Variants in AKAP19 observed in about 807,000 individuals in gnomAD.
AKAP19 encodes small A-kinase anchoring protein.
At chr2:189,972,343 C>G in the AKAP19 span, among the ~76,000 whole-genome samples, 4 of 152,214 alleles carry the variant, frequency 2.6e-5, no homozygotes, top group Non-Finnish European at 4.4e-5. Context: ...TGATCTATAT[C>G]TCTGTTTTGG....
chr2:189,956,797 G>C, the AKAP19 span, among the ~76,000 whole-genome samples: 4 of 151,812 alleles, frequency 2.6e-5, no homozygotes, highest in Non-Finnish European at 5.9e-5. Flanking sequence ...GGTCCAGGCT[G>C]GTGGCAAACT....
At chr2:190,201,623 A>G in the AKAP19 span, 1 of 167,076 alleles carries the variant, frequency 6.0e-6, no homozygotes, top group African/African-American at 2.4e-5. Context: ...AATAGAGTGA[A>G]TTCTCCAAGT....
chr2:190,045,639 C>A, the AKAP19 span, among the ~76,000 whole-genome samples: 2 of 152,184 alleles, frequency 1.3e-5, no homozygotes, highest in African/African-American at 4.8e-5. Flanking sequence ...ACTCCAAGAG[C>A]GCCTTCTAAG....
the AKAP19 span, among the ~76,000 whole-genome samples, chr2:190,066,431 G>A: frequency 6.6e-6 from 1 of 152,244 alleles, no homozygotes; most frequent in East Asian, 1.9e-4. Context: ...TTAGGAATTA[G>A]CACAAGAATG....
the AKAP19 span, among the ~76,000 whole-genome samples, chr2:190,093,193 C>T: frequency 7.2e-5 from 11 of 151,844 alleles, no homozygotes; most frequent in African/African-American, 2.7e-4. Context: ...GAGGCCAAGG[C>T]GGGTGGATCA....
chr2:190,000,406 C>A, the AKAP19 span, among the ~76,000 whole-genome samples: 1 of 152,190 alleles, frequency 6.6e-6, no homozygotes, highest in African/African-American at 2.4e-5. Context: ...CCACAAGTAA[C>A]CTGACTAAAA....
chr2:189,914,121 T>C, the AKAP19 span, among the ~76,000 whole-genome samples: 3 of 152,050 alleles, frequency 2.0e-5, no homozygotes, highest in African/African-American at 7.2e-5. Context: ...AATCCTGTCT[T>C]CCACTACTGA....
the AKAP19 span, among the ~76,000 whole-genome samples, chr2:190,035,430 CA>C: frequency 1.4e-3 from 201 of 139,430 alleles, 1 homozygote; most frequent in East Asian, 2.1e-3. Flanking sequence ...GACTCCATCT[CA>C]AAAAAAAAAA....
chr2:189,924,404 C>T, the AKAP19 span, among the ~76,000 whole-genome samples: 1 of 152,274 alleles, frequency 6.6e-6, no homozygotes, highest in African/African-American at 2.4e-5. Context: ...TTTTCACTTC[C>T]TTTGACGCTC....
At chr2:189,946,732 T>C in the AKAP19 span, among the ~76,000 whole-genome samples, 2 of 152,110 alleles carry the variant, frequency 1.3e-5, no homozygotes, top group Non-Finnish European at 1.5e-5. Flanking sequence ...AATCTTCAAA[T>C]AAAGATTTTA....
At chr2:190,080,330 T>C in the AKAP19 span, among the ~76,000 whole-genome samples, 8 of 152,058 alleles carry the variant, frequency 5.3e-5, no homozygotes, top group South Asian at 2.1e-4. Context: ...CATATTCCAG[T>C]GGGGGAGACA....
chr2:190,009,057 G>A, the AKAP19 span, among the ~76,000 whole-genome samples: 6 of 152,018 alleles, frequency 3.9e-5, no homozygotes, highest in East Asian at 1.2e-3. Flanking sequence ...AGAGAGAAGA[G>A]CAGTAAAAGG....
the AKAP19 span, among the ~76,000 whole-genome samples, chr2:190,168,708 G>A: frequency 6.6e-6 from 1 of 152,044 alleles, no homozygotes; most frequent in East Asian, 1.9e-4. Context: ...TCTAGGGCAG[G>A]GGCAAAATGT....
At chr2:190,119,328 A>G in the AKAP19 span, among the ~76,000 whole-genome samples, 4 of 152,250 alleles carry the variant, frequency 2.6e-5, no homozygotes, top group African/African-American at 9.6e-5. Flanking sequence ...AGTATCAGCC[A>G]GTTATAGGCG....
the AKAP19 span, among the ~76,000 whole-genome samples, chr2:189,911,200 T>C: frequency 6.6e-6 from 1 of 152,098 alleles, no homozygotes; most frequent in African/African-American, 2.4e-5. Context: ...AGTAACACTT[T>C]GGGATTTTTG....
At chr2:190,197,956 C>T in the AKAP19 span, among the ~76,000 whole-genome samples, 3 of 152,182 alleles carry the variant, frequency 2.0e-5, no homozygotes. This position sits in a 1 kb window ranked among gnomAD's most constrained non-coding sequence, Gnocchi z 4.0. Flanking sequence ...ATTCCCTTAA[C>T]CATCCCTCAC....
the AKAP19 span, chr2:190,201,965 T>C: frequency 3.0e-5 from 5 of 167,022 alleles, no homozygotes; most frequent in African/African-American, 9.7e-5. Context: ...ATCTGCTGCT[T>C]AAAATGTACA....
chr2:189,931,912 C>T, the AKAP19 span, among the ~76,000 whole-genome samples: 1 of 152,150 alleles, frequency 6.6e-6, no homozygotes, highest in African/African-American at 2.4e-5. Flanking sequence ...GCATGAGCCC[C>T]AGCCCGATAC....
the AKAP19 span, among the ~76,000 whole-genome samples, chr2:190,059,633 T>G: frequency 6.6e-6 from 1 of 151,960 alleles, no homozygotes; most frequent in Non-Finnish European, 1.5e-5. Flanking sequence ...TTTATCTGTT[T>G]TATGCTAAGC....
Sources: gnomAD v4.1 joint callset for allele counts (sites outside exome capture counted in the v4.1 genomes callset) on GRCh38, gnomAD v4.1.1 for gene constraint, Gnocchi (gnomAD v3.1) non-coding constraint, MANE v1.5 for transcripts, NCBI Gene and HGNC (gene_info 2026-07-23, HGNC 2026-07-21) for gene names.